The following AKT3 variants were observed in gnomAD, a reference collection of about 807,000 sequenced individuals.
The protein encoded by AKT3 is RAC-gamma serine/threonine-protein kinase.
A neutral mutation model predicts 65.3 loss-of-function variants in AKT3; 15 were observed. That is an observed-to-expected ratio of 0.23 (90% confidence interval 0.15 to 0.35). The LOEUF (loss-of-function observed/expected upper bound fraction) is 0.35, where lower values mean the gene tolerates loss of function less well. AKT3 is among the 10% of genes least tolerant of loss of function. The pLI, the probability that AKT3 is intolerant of heterozygous loss-of-function variation, is 1.00. For synonymous variants in AKT3, 206 were observed against 183.8 expected (o/e 1.12, Z -0.98); for missense variants, 243 against 576.5 (o/e 0.42, Z 5.92).
chr1:243,638,452 T>C (rs764759396), intron 5 of AKT3, among the ~76,000 whole-genome samples: 3 of 152,162 alleles, frequency 2.0e-5, no homozygotes, highest in Non-Finnish European at 4.4e-5. Context: ...GTCCCCTCTA[T>C]GTACTCTTTT....
At chr1:243,583,389 C>T (rs1451755794) in intron 8 of AKT3, among the ~76,000 whole-genome samples, 1 of 150,556 alleles carries the variant, frequency 6.6e-6, no homozygotes, top group African/African-American at 2.4e-5. Flanking sequence ...AAAAGTCACA[C>T]ATTCTGGACT....
rs141153096 is a variant in AKT3, at chr1:243,778,686, C to A, written c.46+64439G>T. On this transcript the variant is annotated intron_variant, in intron 2 of 13. Coordinates refer to ENST00000673466, the MANE Select transcript of AKT3 (RefSeq NM_005465.7). ...AATCATTTTTTAAAACTGAATTAAA[C>A]AGATTGTACATGTGTATGTCAAAAA... Among the ~76,000 whole-genome samples the A allele has an allele frequency of 2.3e-3, 352 of 152,222 alleles. 3 individuals are homozygous for A. The highest frequency in any genetic ancestry group is 8.1e-3 in the African/African-American group (335 of 41,560).
At chr1:243,796,422 T>C (rs1692009396) in intron 2 of AKT3, among the ~76,000 whole-genome samples, 1 of 152,226 alleles carries the variant, frequency 6.6e-6, no homozygotes, top group Non-Finnish European at 1.5e-5. Flanking sequence ...GTCTGGGTGA[T>C]TTTTGCTTTT....
intron 12 of AKT3, among the ~76,000 whole-genome samples, chr1:243,531,285 G>A (rs1248334612): frequency 6.6e-6 from 1 of 152,104 alleles, no homozygotes; most frequent in African/African-American, 2.4e-5. Context: ...TAAAGGTGGG[G>A]TTTTGCCATT....
At chr1:243,533,323 G>C (rs1256798609) in intron 12 of AKT3, among the ~76,000 whole-genome samples, 4 of 152,132 alleles carry the variant, frequency 2.6e-5, no homozygotes, top group Admixed American at 2.6e-4. Context: ...ATAGTTGAAG[G>C]TTTCACTTCT....
intron 4 of AKT3, among the ~76,000 whole-genome samples, chr1:243,661,144 A>G (rs1682289758): frequency 6.6e-6 from 1 of 152,210 alleles, no homozygotes; most frequent in Non-Finnish European, 1.5e-5. Context: ...AAGGTAATTT[A>G]CAGATTCAAT....
Position 243,552,809 on chromosome 1 carries a change from T to C in AKT3, c.1083A>G (p.Glu361=). ...AGAGTGTTCGAGGAAATTTAATGTC[T>C]TCCATTAATATTAATTCAAAAAGTT... is the stretch of plus-strand genomic sequence containing the variant. ...HEKLFELILM[E]DIKFPRTLSS... Residue 361 remains glutamate (E), a synonymous_variant, in exon 11 of 14, where the codon GAA becomes GAG. Transcript: ENST00000673466. 6.2e-7 allele frequency: 1 copy of C among 1,613,886 alleles called. No individual in the cohort carries two copies. Among genetic ancestry groups the C allele is most frequent in the Non-Finnish European group, 8.5e-7 (1 of 1,179,832 alleles).
intron 6 of AKT3, among the ~76,000 whole-genome samples, chr1:243,634,070 G>A (rs1679801611): frequency 6.6e-6 from 1 of 151,938 alleles, no homozygotes; most frequent in Non-Finnish European, 1.5e-5. Context: ...AAATCCCCCT[G>A]CAGATAACAA....
chr1:243,673,611 A>ATTTT (rs11386712), intron 3 of AKT3, among the ~76,000 whole-genome samples: 27 of 124,142 alleles, frequency 2.2e-4, no homozygotes, highest in African/African-American at 7.3e-4. Flanking sequence ...TAATTATGAG[A>ATTTT]TTTTTTTTTT....
chr1:243,783,562 T>C (rs1691046350), intron 2 of AKT3, among the ~76,000 whole-genome samples: 1 of 152,088 alleles, frequency 6.6e-6, no homozygotes, highest in Non-Finnish European at 1.5e-5. Context: ...TAAGGTGAAT[T>C]TTTAAAAAAA....
intron 2 of AKT3, among the ~76,000 whole-genome samples, chr1:243,834,096 T>C (rs867666949): frequency 2.0e-5 from 3 of 151,984 alleles, no homozygotes; most frequent in Non-Finnish European, 4.4e-5. Flanking sequence ...TGGAAAGCAG[T>C]TCAGCAATTT....
chr1:243,692,611 G>A (rs968702956), intron 3 of AKT3, among the ~76,000 whole-genome samples: 9 of 152,104 alleles, frequency 5.9e-5, no homozygotes, highest in South Asian at 4.2e-4. Context: ...GGTGGTGTGC[G>A]CCTATGATCC....
At chr1:243,553,158 CAAA>C (rs201132130) in intron 10 of AKT3, among the ~76,000 whole-genome samples, 1 of 138,204 alleles carries the variant, frequency 7.2e-6, no homozygotes, top group East Asian at 2.1e-4. Context: ...GGCCAGTGTA[CAAA>C]AAAAGGGGCA....
downstream of AKT3, among the ~76,000 whole-genome samples, chr1:243,495,271 C>T (rs1399842889): frequency 1.3e-5 from 2 of 152,232 alleles, no homozygotes; most frequent in African/African-American, 4.8e-5. Flanking sequence ...CCGCCAAGTC[C>T]AGCTCGAGAT....
At chr1:243,668,889 G>C (rs1175691290) in intron 3 of AKT3, among the ~76,000 whole-genome samples, 9 of 152,150 alleles carry the variant, frequency 5.9e-5, no homozygotes. Context: ...AAAGGTGGTA[G>C]AATCAATAGG....
chr1:243,849,386 A>ACCCCCCCCCCCCCCCCC (rs57424400), intron 1 of AKT3, among the ~76,000 whole-genome samples: 16 of 107,018 alleles, frequency 1.5e-4, no homozygotes, highest in African/African-American at 2.7e-4. Context: ...CCACACACAC[A>ACCCCCCCCCCCCCCCCC]CCCCCCCCCC....
At chr1:243,691,137 T>C (rs1171464263) in intron 3 of AKT3, among the ~76,000 whole-genome samples, 1 of 152,166 alleles carries the variant, frequency 6.6e-6, no homozygotes, top group African/African-American at 2.4e-5. Flanking sequence ...CTTAGAAAAG[T>C]ATCCAGGCAA....
At chr1:243,649,237 G>T (rs551896477) in intron 4 of AKT3, among the ~76,000 whole-genome samples, 45 of 151,662 alleles carry the variant, frequency 3.0e-4, no homozygotes, top group Middle Eastern at 3.4e-3. Context: ...GTGGATTACA[G>T]AACATACACC....
chr1:243,653,329 A>G (rs1235961624), intron 4 of AKT3, among the ~76,000 whole-genome samples: 2 of 152,154 alleles, frequency 1.3e-5, no homozygotes, highest in African/African-American at 4.8e-5. Flanking sequence ...ACCAACAACA[A>G]GTTCTGAAAT....
Sources: gnomAD v4.1 joint callset for allele counts (sites outside exome capture counted in the v4.1 genomes callset) on GRCh38, gnomAD v4.1.1 for gene constraint, MANE v1.5 for transcripts, NCBI Gene and HGNC (gene_info 2026-07-23, HGNC 2026-07-21) for gene names.